The following PACRG variants were observed in gnomAD, a reference collection of about 807,000 sequenced individuals.
The protein encoded by PACRG is parkin coregulated gene protein.
Under a neutral mutation model 29.7 loss-of-function variants are expected in PACRG, and 29 were observed. That is an observed-to-expected ratio of 0.98 (90% CI 0.73 to 1.33). The LOEUF (loss-of-function observed/expected upper bound fraction) is 1.33. Among genes scored for constraint, PACRG ranks in the 40% most tolerant of loss-of-function variants. PACRG has a pLI of 0.00. For synonymous variants in PACRG, 116 were observed against 118.7 expected (o/e 0.98, Z 0.15); for missense variants, 279 against 316.2 (o/e 0.88, Z 0.89).
chr6:163,180,727 G>T (rs1467951124), intron 4 of PACRG, among the ~76,000 whole-genome samples: 1 of 152,048 alleles, frequency 6.6e-6, no homozygotes, highest in Admixed American at 6.5e-5. Context: ...CCACTTATTT[G>T]GTTCTTCAAA....
intron 4 of PACRG, among the ~76,000 whole-genome samples, chr6:163,144,729 A>T (rs1406385876): frequency 6.6e-6 from 1 of 152,208 alleles, no homozygotes; most frequent in African/African-American, 2.4e-5. Flanking sequence ...AGATCACGCC[A>T]CTGCACTCCA....
intron 2 of PACRG, among the ~76,000 whole-genome samples, chr6:162,825,409 G>A (rs1363194383): frequency 6.6e-6 from 1 of 152,020 alleles, no homozygotes; most frequent in Non-Finnish European, 1.5e-5. Flanking sequence ...AAATCACCGT[G>A]TTTCATTCAC....
intron 2 of PACRG, among the ~76,000 whole-genome samples, chr6:162,830,551 C>T (rs1485980191): frequency 2.0e-5 from 3 of 152,252 alleles, no homozygotes; most frequent in Non-Finnish European, 4.4e-5. Context: ...AGTGATGTTT[C>T]TCCAGAGCTC....
chr6:163,135,964 T>TG (rs2128331738), intron 4 of PACRG, among the ~76,000 whole-genome samples: 1 of 152,382 alleles, frequency 6.6e-6, no homozygotes. Flanking sequence ...CATTTTTTTC[T>TG]GGGTTATGTA....
At chr6:163,310,355 T>G (rs1330097409) in intron 4 of PACRG, 3 of 152,186 alleles carry the variant, frequency 2.0e-5, no homozygotes, top group African/African-American at 7.2e-5. Flanking sequence ...CCAGACATAC[T>G]TCCATGGAGG....
chr6:162,907,266 T>TA (rs1795998016), intron 2 of PACRG, among the ~76,000 whole-genome samples: 1 of 152,196 alleles, frequency 6.6e-6, no homozygotes, highest in African/African-American at 2.4e-5. Flanking sequence ...TTCTATAGTT[T>TA]AAAAATGGCT....
chr6:162,783,039 G>A (rs1022410410), intron 1 of PACRG, among the ~76,000 whole-genome samples: 21 of 151,786 alleles, frequency 1.4e-4, no homozygotes, highest in African/African-American at 5.1e-4. Flanking sequence ...CTAACTTCAT[G>A]ATAAAAATAA....
At chr6:163,091,855 A>C (rs1814137656) in intron 4 of PACRG, among the ~76,000 whole-genome samples, 1 of 152,200 alleles carries the variant, frequency 6.6e-6, no homozygotes. Context: ...ATATATACTT[A>C]TTTTATTTAA....
rs568844592 is a variant in PACRG, at chr6:163,149,325, T to TC, written c.613+59919dup. 3.3e-5 allele frequency among the ~76,000 whole-genome samples: 5 copies of TC among 152,042 alleles called. No individual in the cohort carries two copies. The South Asian group carries it at 6.2e-4, about 19-fold the overall frequency. On this transcript the variant is annotated intron_variant, in intron 4 of 4. Transcript: ENST00000366888. ...CCCGAGGCTCCAGCCGGCTCCCCCTTCCATCCTCCCCAGCGCACTGGCCCG... is the reference window on the plus strand; with the variant it reads ...CCCGAGGCTCCAGCCGGCTCCCCCTTCCCATCCTCCCCAGCGCACTGGCCCG...
At chr6:162,736,735 T>C (rs887224125) in intron 1 of PACRG, among the ~76,000 whole-genome samples, 1 of 151,986 alleles carries the variant, frequency 6.6e-6, no homozygotes, top group Admixed American at 6.6e-5. Context: ...ATATATATTT[T>C]ATATATTTTG....
intron 1 of PACRG, among the ~76,000 whole-genome samples, chr6:162,749,261 T>C (rs1251917559): frequency 6.6e-6 from 1 of 152,192 alleles, no homozygotes; most frequent in African/African-American, 2.4e-5. Flanking sequence ...GATGTATGTT[T>C]ATCTCATTTG....
chr6:162,882,105 C>T (rs1479299861), intron 2 of PACRG, among the ~76,000 whole-genome samples: 1 of 140,888 alleles, frequency 7.1e-6, no homozygotes, highest in Admixed American at 7.0e-5. Flanking sequence ...GGGGCGCACT[C>T]TCCACCAAGA....
At chr6:163,058,713 G>A (rs1157354057) in intron 2 of PACRG, among the ~76,000 whole-genome samples, 5 of 152,164 alleles carry the variant, frequency 3.3e-5, no homozygotes, top group Admixed American at 6.5e-5. Context: ...TGGCTAACAC[G>A]GTGAAACCCC....
At chr6:163,034,159 A>C (rs1329485474) in intron 2 of PACRG, among the ~76,000 whole-genome samples, 1 of 152,200 alleles carries the variant, frequency 6.6e-6, no homozygotes. Flanking sequence ...CACCCATTGC[A>C]GCAACATTGA....
chr6:163,271,805 A>C (rs893567696), intron 4 of PACRG, among the ~76,000 whole-genome samples: 1 of 152,218 alleles, frequency 6.6e-6, no homozygotes, highest in African/African-American at 2.4e-5. Flanking sequence ...TCTAATTACA[A>C]TTAAAAACCT....
At chr6:163,288,698 T>A (rs1210640808) in intron 4 of PACRG, among the ~76,000 whole-genome samples, 1 of 152,198 alleles carries the variant, frequency 6.6e-6, no homozygotes, top group Non-Finnish European at 1.5e-5. Context: ...CATAGAGAAC[T>A]TTTTATGACC....
chr6:163,245,472 C>G (rs913112124), intron 4 of PACRG, among the ~76,000 whole-genome samples: 2 of 152,158 alleles, frequency 1.3e-5, no homozygotes, highest in Non-Finnish European at 2.9e-5. Context: ...CCGGCGTCTC[C>G]GTGACAGGTT....
chr6:163,269,955 G>C (rs868405505), intron 4 of PACRG, among the ~76,000 whole-genome samples: 961 of 49,000 alleles, frequency 0.02, 74 homozygotes, highest in African/African-American at 0.048. Context: ...AAGAAAGAAA[G>C]AAAGAAAGAA....
At chr6:163,078,687 C>T (rs1281373549) in intron 3 of PACRG, among the ~76,000 whole-genome samples, 1 of 152,138 alleles carries the variant, frequency 6.6e-6, no homozygotes, top group African/African-American at 2.4e-5. Flanking sequence ...CGGGCTAGAG[C>T]CTCAGACTGA....
Sources: gnomAD v4.1 joint callset for allele counts (sites outside exome capture counted in the v4.1 genomes callset) on GRCh38, gnomAD v4.1.1 for gene constraint, MANE v1.5 for transcripts, NCBI Gene and HGNC (gene_info 2026-07-23, HGNC 2026-07-21) for gene names.